Variants in BBS9 observed in about 807,000 individuals in gnomAD.
BBS9 encodes protein PTHB1.
BBS9 carries 89 observed loss-of-function variants against 117.7 expected under a neutral mutation model. The observed-to-expected ratio is 0.76, with a 90% confidence interval of 0.64 to 0.90. The LOEUF is 0.90. Among genes scored for constraint, BBS9 ranks in the 40% least tolerant of loss-of-function variants. The pLI, the probability that BBS9 is intolerant of heterozygous loss-of-function variation, is 0.00. For missense variants in BBS9, 982 were observed against 1,042.2 expected (o/e 0.94, Z 0.80); for synonymous variants, 379 against 370.9 (o/e 1.02, Z -0.25).
intron 5 of BBS9, among the ~76,000 whole-genome samples, chr7:33,233,173 T>C (rs867826481): frequency 5.3e-5 from 8 of 152,220 alleles, no homozygotes; most frequent in Middle Eastern, 3.4e-3. Flanking sequence ...TTGGCACCCA[T>C]TGTTTGGGTG....
chr7:33,464,425 T>C (rs1324711751), intron 19 of BBS9, among the ~76,000 whole-genome samples: 3 of 152,112 alleles, frequency 2.0e-5, no homozygotes, highest in East Asian at 3.9e-4. Flanking sequence ...ATAATAAATA[T>C]GTAATGGATA....
At chr7:33,603,827 C>T (rs1000055862) in intron 21 of BBS9, among the ~76,000 whole-genome samples, 18 of 152,152 alleles carry the variant, frequency 1.2e-4, no homozygotes, top group African/African-American at 4.1e-4. Context: ...TTTCCCTCAG[C>T]ATCGATTTCT....
intron 5 of BBS9, among the ~76,000 whole-genome samples, chr7:33,207,225 C>T (rs1158734555): frequency 1.3e-5 from 2 of 152,094 alleles, no homozygotes; most frequent in Non-Finnish European, 2.9e-5. Flanking sequence ...CATCAACATT[C>T]CCCCTTGAAT....
chr7:33,614,855 G>A (rs758976238), intron 21 of BBS9, among the ~76,000 whole-genome samples: 1 of 152,030 alleles, frequency 6.6e-6, no homozygotes, highest in Non-Finnish European at 1.5e-5. Flanking sequence ...TTTGAAATAT[G>A]CCAGAGCATC....
chr7:33,598,357 AT>A (rs1376262739), intron 21 of BBS9, among the ~76,000 whole-genome samples: 1 of 152,196 alleles, frequency 6.6e-6, no homozygotes, highest in Non-Finnish European at 1.5e-5. Context: ...TGTCAAGGCT[AT>A]CGAAAACAAA....
At chr7:33,320,066 T>A (rs1051655985) in intron 9 of BBS9, among the ~76,000 whole-genome samples, 2 of 151,992 alleles carry the variant, frequency 1.3e-5, no homozygotes, top group Non-Finnish European at 2.9e-5. Context: ...GCAATGGGGG[T>A]TTCTTCACTT....
chr7:33,449,008 G>A (rs868395800), intron 19 of BBS9, among the ~76,000 whole-genome samples: 2 of 152,224 alleles, frequency 1.3e-5, no homozygotes, highest in South Asian at 4.1e-4. Flanking sequence ...ACTTGCACAA[G>A]GTCACACAGC....
intron 19 of BBS9, among the ~76,000 whole-genome samples, chr7:33,425,354 T>A (rs574823608): frequency 2.8e-4 from 43 of 152,342 alleles, no homozygotes; most frequent in African/African-American, 1.0e-3. Flanking sequence ...ATTTTTTATT[T>A]TAATTTTAAG....
At chr7:33,165,509 T>C (rs1275159288) in intron 4 of BBS9, among the ~76,000 whole-genome samples, 1 of 152,180 alleles carries the variant, frequency 6.6e-6, no homozygotes, top group Non-Finnish European at 1.5e-5. Flanking sequence ...TCCATATTTC[T>C]TGGAGGCTTT....
At chr7:33,546,601 C>T (rs2129081926) in intron 21 of BBS9, among the ~76,000 whole-genome samples, 1 of 152,308 alleles carries the variant, frequency 6.6e-6, no homozygotes, top group Non-Finnish European at 1.5e-5. Flanking sequence ...TCTACATTTT[C>T]TTCCTTAGGA....
intron 9 of BBS9, among the ~76,000 whole-genome samples, chr7:33,331,901 C>T (rs1466184356): frequency 1.3e-5 from 2 of 152,146 alleles, no homozygotes; most frequent in Admixed American, 1.3e-4. Context: ...AGATTCAATG[C>T]AATTCCCATC....
chr7:33,366,375 T>C (rs1821719571), intron 16 of BBS9, among the ~76,000 whole-genome samples: 1 of 152,058 alleles, frequency 6.6e-6, no homozygotes, highest in Non-Finnish European at 1.5e-5. Flanking sequence ...GCTTCTTACA[T>C]GGGCCCTTGA....
intron 17 of BBS9, among the ~76,000 whole-genome samples, chr7:33,383,153 G>T (rs1563094789): frequency 6.6e-6 from 1 of 152,002 alleles, no homozygotes. Flanking sequence ...TTTAGAAAAG[G>T]GTCTGACTGC....
intron 21 of BBS9, among the ~76,000 whole-genome samples, chr7:33,570,810 T>G (rs1470300933): frequency 1.3e-5 from 2 of 152,256 alleles, no homozygotes; most frequent in East Asian, 3.9e-4. Context: ...TCAATCTAAT[T>G]ATGATGAAGC....
chr7:33,472,831 G>A (rs925969739), intron 19 of BBS9, among the ~76,000 whole-genome samples: 4 of 152,088 alleles, frequency 2.6e-5, no homozygotes, highest in African/African-American at 9.7e-5. Flanking sequence ...ATTGTTTGTG[G>A]AACTTGCCAC....
intron 19 of BBS9, among the ~76,000 whole-genome samples, chr7:33,479,143 A>G (rs147610712): frequency 3.3e-5 from 5 of 152,210 alleles, no homozygotes; most frequent in Admixed American, 1.3e-4. Context: ...CAGATTTTCT[A>G]CGTGGGTAAA....
At position 33,522,570 on chromosome 7, in the gene BBS9, C is replaced by T. The variant is rs1182504019; in HGVS notation, c.2299-11384C>T. ...CTTTTGAGAAGTGTCTGTTCATGTC[C>T]TTTGCCCACTTTTTGATGGGGTTGT... On this transcript the variant is annotated intron_variant, in intron 20 of 22. Transcript: ENST00000242067. Among the ~76,000 whole-genome samples, 20 of 152,262 alleles carry T rather than the reference C, an allele frequency of 1.3e-4. 1 individual carries two copies. The East Asian group carries it at 3.9e-3, about 29-fold the overall frequency.
chr7:33,436,763 C>T lies in BBS9; in HGVS notation c.2115+48619C>T, dbSNP rs191486098. Among the ~76,000 whole-genome samples, 7 of 152,282 alleles carry T rather than the reference C, an allele frequency of 4.6e-5. No homozygotes were observed. The East Asian group carries it at 9.6e-4, about 21-fold the overall frequency. ...GTTAACAAAGCTGTGAGCTGATTAA[C>T]GGAAGGGGACGTGTCTTCTTCACTG... is the stretch of plus-strand genomic sequence containing the variant. On this transcript the variant is annotated intron_variant, in intron 19 of 22. Coordinates refer to ENST00000242067, the MANE Select transcript of BBS9 (RefSeq NM_198428.3).
At chr7:33,553,115 T>C (rs544191557) in intron 21 of BBS9, among the ~76,000 whole-genome samples, 2 of 152,234 alleles carry the variant, frequency 1.3e-5, no homozygotes, top group African/African-American at 2.4e-5. Context: ...GGCTGACTTA[T>C]AGCCATTCTC....
Sources: allele counts gnomAD v4.1 joint callset (sites outside exome capture counted in the v4.1 genomes callset), GRCh38; gene constraint gnomAD v4.1.1; transcripts MANE v1.5; gene names NCBI Gene and HGNC (gene_info 2026-07-23, HGNC 2026-07-21).